The following FLT3 variants were observed in gnomAD, a reference collection of about 807,000 sequenced individuals.
FLT3 encodes the protein receptor-type tyrosine-protein kinase FLT3.
In FLT3, 46 loss-of-function variants were observed where a neutral mutation model predicts 126.6. That is an observed-to-expected ratio of 0.36 (90% CI 0.29 to 0.46). The LOEUF (loss-of-function observed/expected upper bound fraction) is 0.46. Ranked by LOEUF, FLT3 falls within the 20% of genes least tolerant of loss-of-function variation. The pLI is 1.00. For missense variants in FLT3, 1,069 were observed against 1,190.3 expected (o/e 0.90, Z 1.50); for synonymous variants, 404 against 434.4 (o/e 0.93, Z 0.87).
chr13:28,007,257 T>C (rs1240620888), intron 23 of FLT3, among the ~76,000 whole-genome samples: 2 of 152,210 alleles, frequency 1.3e-5, no homozygotes, highest in Non-Finnish European at 2.9e-5. Flanking sequence ...TGTGCTTTTT[T>C]CTTTTTCAAG....
chr13:28,049,515 G>A lies in FLT3; in HGVS notation c.905C>T (p.Thr302Ile), dbSNP rs1875231260. ...LEEGNYFEMS[T>I]YSTNRTMIRI... is the part of the protein sequence containing the mutation. ...TATCATAGTTCTGTTTGTTGAATAG[G>A]TACTCATCTCAAAGTAGTTGCCCTA... The change falls in exon 8 of 24, where the codon ACC becomes ATC. Residue 302 changes from threonine (T) to isoleucine (I), a missense_variant. Transcript: ENST00000241453. 6.2e-7 allele frequency: 1 copy of A among 1,613,684 alleles called. No individual in the cohort carries two copies. The highest frequency in any genetic ancestry group is 1.3e-5 in the African/African-American group (1 of 74,920).
At chr13:28,031,585 C>T (rs375221797) in intron 15 of FLT3, among the ~76,000 whole-genome samples, 1 of 152,148 alleles carries the variant, frequency 6.6e-6, no homozygotes, top group Non-Finnish European at 1.5e-5. Flanking sequence ...GAGCTAATGT[C>T]GCACATTGCA....
Position 28,090,037 on chromosome 13 carries a change from C to T in FLT3, c.43+10431G>A, listed in dbSNP as rs532149241. Among the ~76,000 whole-genome samples the T allele has an allele frequency of 2.6e-3, 391 of 151,678 alleles. 2 individuals carry two copies. The highest frequency in any genetic ancestry group is 6.8e-3 in the Middle Eastern group (2 of 294). Reference sequence around the variant, plus strand: ...ATTACAGACGTGAGCTACTGCGCCCCGCCGTGAGGGAACTTTTTTTTTAGA... The same window carrying T: ...ATTACAGACGTGAGCTACTGCGCCCTGCCGTGAGGGAACTTTTTTTTTAGA... On this transcript the variant is annotated intron_variant, in intron 1 of 23. Coordinates refer to ENST00000241453, the MANE Select transcript of FLT3 (RefSeq NM_004119.3).
intron 10 of FLT3, 134 bp downstream of exon 10, chr13:28,037,051 T>G: frequency 1.6e-6 from 1 of 615,348 alleles, no homozygotes; most frequent in South Asian, 2.0e-5. Flanking sequence ...AGAGTAAAGT[T>G]TCAAAACACT....
At chr13:28,008,275 CA>C (rs11409962) in intron 23 of FLT3, among the ~76,000 whole-genome samples, 4,837 of 87,014 alleles carry the variant, frequency 0.056, 124 homozygotes, top group African/African-American at 0.19. Flanking sequence ...GAACCTGTCT[CA>C]AAAAAAAAAA....
At chr13:28,073,361 A>G (rs1329975094) in intron 1 of FLT3, 1 of 420,532 alleles carries the variant, frequency 2.4e-6, no homozygotes, top group Non-Finnish European at 4.7e-6. Context: ...GGAAAAAAAA[A>G]AAAAAAAAGC....
chr13:28,062,152 C>A, intron 2 of FLT3, 83 bp from the exon 3 acceptor site: 1 of 1,025,696 alleles, frequency 9.7e-7, no homozygotes, highest in Non-Finnish European at 1.5e-6. Flanking sequence ...CTTTATCAAA[C>A]ATATGCATGC....
intron 1 of FLT3, among the ~76,000 whole-genome samples, chr13:28,072,918 T>C (rs1877646725): frequency 1.3e-5 from 2 of 151,830 alleles, no homozygotes; most frequent in South Asian, 4.1e-4. Flanking sequence ...GGCAGGAGAA[T>C]AGCGTAAACC....
rs200929631 is a variant in FLT3 at position 28,033,879 on chromosome 13, T to C, written c.1942+8A>G. The C allele has an allele frequency of 4.2e-5, 67 of 1,607,166 alleles. No individual in the cohort carries two copies. The Admixed American group carries it at 1.0e-3, about 25-fold the overall frequency. Reference sequence around the variant, plus strand: ...CATCTTTGTTGCTGTCCTTCCACTATACTGTACCTTTCAGCATTTTGACGG... The same window carrying C: ...CATCTTTGTTGCTGTCCTTCCACTACACTGTACCTTTCAGCATTTTGACGG... On this transcript the variant is annotated splice_region_variant and intron_variant, in intron 15 of 23. Coordinates refer to ENST00000241453, the MANE Select transcript of FLT3 (RefSeq NM_004119.3).
chr13:28,035,092 G>T (rs1336115433), intron 12 of FLT3, among the ~76,000 whole-genome samples: 1 of 151,980 alleles, frequency 6.6e-6, no homozygotes, highest in Non-Finnish European at 1.5e-5. Flanking sequence ...GGGCAGCCAG[G>T]TTTCACAACT....
At chr13:28,012,604 C>G (rs893231979) in intron 23 of FLT3, among the ~76,000 whole-genome samples, 1 of 152,126 alleles carries the variant, frequency 6.6e-6, no homozygotes, top group Non-Finnish European at 1.5e-5. Context: ...AAGTTCCCCA[C>G]AAATCCACAC....
intron 1 of FLT3, among the ~76,000 whole-genome samples, chr13:28,098,035 C>T (rs1213512587): frequency 6.6e-6 from 1 of 152,058 alleles, no homozygotes; most frequent in Non-Finnish European, 1.5e-5. Context: ...CTGGGCATGG[C>T]CGGGTGTGGT....
intron 19 of FLT3, among the ~76,000 whole-genome samples, chr13:28,019,356 G>A (rs1268766717): frequency 1.3e-5 from 2 of 152,178 alleles, no homozygotes; most frequent in African/African-American, 4.8e-5. Context: ...CTAAAAATGA[G>A]TTTGGAGAGG....
intron 9 of FLT3, among the ~76,000 whole-genome samples, chr13:28,038,287 T>C (rs1389250964): frequency 6.6e-6 from 1 of 151,944 alleles, no homozygotes; most frequent in Non-Finnish European, 1.5e-5. Context: ...AGTGAGATGT[T>C]GGATGGTGCA....
intron 1 of FLT3, among the ~76,000 whole-genome samples, chr13:28,084,680 C>T (rs1279769239): frequency 6.6e-6 from 1 of 152,044 alleles, no homozygotes; most frequent in Non-Finnish European, 1.5e-5. Flanking sequence ...TGTATTGAAT[C>T]TTTTAAAATT....
chr13:28,036,178 C>A (rs1432772457), intron 10 of FLT3, 135 bp from the exon 11 acceptor site: 3 of 690,804 alleles, frequency 4.3e-6, no homozygotes, highest in African/African-American at 1.8e-5. Flanking sequence ...GGCAACACAG[C>A]AAGACCCTGT....
At chr13:28,006,627 C>G (rs772232807) in intron 23 of FLT3, among the ~76,000 whole-genome samples, 2 of 151,492 alleles carry the variant, frequency 1.3e-5, no homozygotes, top group Non-Finnish European at 2.9e-5. Flanking sequence ...CTAGAAGTTT[C>G]TAGAACCATC....
intron 3 of FLT3, among the ~76,000 whole-genome samples, chr13:28,059,247 C>A (rs749461471): frequency 2.6e-5 from 4 of 152,144 alleles, no homozygotes; most frequent in Non-Finnish European, 4.4e-5. Context: ...GCCCGATACC[C>A]CTTGCAGGCC....
chr13:28,033,632 T>C (rs1220999409), intron 15 of FLT3, among the ~76,000 whole-genome samples: 1 of 151,988 alleles, frequency 6.6e-6, no homozygotes, highest in Admixed American at 6.6e-5. Context: ...GGTGACAGAG[T>C]GAGACCCTGT....
Sources: allele counts gnomAD v4.1 joint callset (sites outside exome capture counted in the v4.1 genomes callset), GRCh38; gene constraint gnomAD v4.1.1; transcripts MANE v1.5; gene names NCBI Gene and HGNC (gene_info 2026-07-23, HGNC 2026-07-21).